The following NDUFA12 variants were observed in gnomAD, a reference collection of about 807,000 sequenced individuals.
The protein encoded by NDUFA12 is NADH dehydrogenase [ubiquinone] 1 alpha subcomplex subunit 12.
Under a neutral mutation model 20.3 loss-of-function variants are expected in NDUFA12, and 17 were observed. That is an observed-to-expected ratio of 0.84 (90% CI 0.57 to 1.26). The LOEUF is 1.26. Ranked by LOEUF, NDUFA12 falls within the 50% of genes most tolerant of loss-of-function variation. The probability of loss-of-function intolerance (pLI) is 0.00; values close to 1 mark genes in which losing one functional copy is unlikely to be tolerated. For missense variants in NDUFA12, 191 were observed against 183.7 expected, an observed-to-expected ratio of 1.04 and a Z score of -0.23; for synonymous variants, 72 against 63.6, an observed-to-expected ratio of 1.13 and a Z score of -0.63.
In NDUFA12 at chr12:94,988,601, C is replaced by T. The variant is rs560507681; in HGVS notation, c.257+5569G>A. On this transcript the variant is annotated intron_variant, in intron 3 of 3. Transcript: ENST00000327772. ...TAACTCCTCCCTTCTCAGGCCCAGTCCCAAGCTTGGGCCAGCAGCGTGGGT... is the reference window on the plus strand; with the variant it reads ...TAACTCCTCCCTTCTCAGGCCCAGTTCCAAGCTTGGGCCAGCAGCGTGGGT... Among the ~76,000 whole-genome samples the T allele has an allele frequency of 1.2e-4, 19 of 152,298 alleles. No individual in the cohort carries two copies. In the South Asian group the frequency reaches 1.4e-3, roughly 12 times the overall value.
At position 94,971,423 on chromosome 12, in the gene NDUFA12, A is replaced by G. The variant is rs1873881740; in HGVS notation, c.*17T>C. On this transcript the variant is annotated 3_prime_UTR_variant, in exon 4 of 4. Transcript: ENST00000327772. ...AAAGCTCCATATTTTGCATGTTTCA[A>G]CTGTTCTTCATTGTCTTTACTTGTA... The G allele has an allele frequency of 1.9e-6, 3 of 1,612,326 alleles. No individual in the cohort carries two copies. The highest frequency in any genetic ancestry group is 2.5e-6 in the Non-Finnish European group (3 of 1,178,330).
chr12:94,984,931 TCGCACCAC>T (rs71075887), intron 3 of NDUFA12, among the ~76,000 whole-genome samples: 130,486 of 150,210 alleles, frequency 0.87, 56,780 homozygotes, highest in Admixed American at 0.9. Context: ...TGAGTCAAGA[TCGCACCAC>T]TGCACTCCAG....
At chr12:94,971,659 C>T in intron 3 of NDUFA12, 39 bp from the exon 4 acceptor site, 1 of 1,609,422 alleles carries the variant, frequency 6.2e-7, no homozygotes, top group South Asian at 1.1e-5. Flanking sequence ...TATGAAGAGG[C>T]AGTACAGCAT....
At chr12:94,994,454 C>T in intron 2 of NDUFA12, 197 bp from the exon 3 acceptor site, 1 of 549,488 alleles carries the variant, frequency 1.8e-6, no homozygotes, top group Non-Finnish European at 3.2e-6. Context: ...TAAGCAGCAA[C>T]CCGCAGCAAG....
At chr12:94,987,511 G>C (rs951667527) in intron 3 of NDUFA12, among the ~76,000 whole-genome samples, 4 of 152,124 alleles carry the variant, frequency 2.6e-5, no homozygotes, top group African/African-American at 7.2e-5. Flanking sequence ...TTGAACAACA[G>C]CAGGCACGGC....
intron 3 of NDUFA12, among the ~76,000 whole-genome samples, chr12:94,974,276 TA>T (rs1317977479): frequency 6.6e-6 from 1 of 151,560 alleles, no homozygotes; most frequent in East Asian, 1.9e-4. Context: ...CAAGGAGCAG[TA>T]AAAAAAACCT....
At chr12:95,000,254 T>C (rs35448769) in intron 2 of NDUFA12, among the ~76,000 whole-genome samples, 12,179 of 152,204 alleles carry the variant, frequency 0.08, 559 homozygotes, top group East Asian at 0.16. Context: ...ATGTTCTCAC[T>C]TACAAGTGGG....
chr12:94,973,812 G>A (rs540090498), intron 3 of NDUFA12, among the ~76,000 whole-genome samples: 61 of 151,996 alleles, frequency 4.0e-4, no homozygotes, highest in Non-Finnish European at 5.6e-4. Context: ...ACCCATTATG[G>A]CAGTTTATAA....
intron 2 of NDUFA12, among the ~76,000 whole-genome samples, chr12:95,001,023 T>G (rs1056811076): frequency 2.0e-5 from 3 of 152,178 alleles, no homozygotes; most frequent in African/African-American, 7.2e-5. Flanking sequence ...CTTTTAAAAT[T>G]TACTAGCACG....
intron 3 of NDUFA12, among the ~76,000 whole-genome samples, chr12:94,972,235 G>GT (rs1171110884): frequency 6.6e-6 from 1 of 152,060 alleles, no homozygotes; most frequent in East Asian, 1.9e-4. Context: ...GCCCATTACT[G>GT]TATCTTATCA....
chr12:94,994,942 G>A (rs1048553723), intron 2 of NDUFA12, among the ~76,000 whole-genome samples: 1 of 152,116 alleles, frequency 6.6e-6, no homozygotes, highest in Non-Finnish European at 1.5e-5. Context: ...ATGAGCCTCA[G>A]TTTCTTTATC....
At position 94,975,705 on chromosome 12, in the gene NDUFA12, T is replaced by C. The variant is rs1334409415; in HGVS notation, c.258-4085A>G. On this transcript the variant is annotated intron_variant, in intron 3 of 3. Coordinates refer to ENST00000327772, the MANE Select transcript of NDUFA12 (RefSeq NM_018838.5). ...AACCAAAAATAAAGGGAATAGCTCA[T>C]GGCATATCCATATGATGGAAGACTA... 2.6e-5 allele frequency among the ~76,000 whole-genome samples: 4 copies of C among 152,192 alleles called. 1 individual carries two copies. Among genetic ancestry groups the C allele is most frequent in the South Asian group, 4.1e-4 (2 of 4,828 alleles).
chr12:94,983,680 A>G (rs961618273), intron 3 of NDUFA12, among the ~76,000 whole-genome samples: 2 of 152,192 alleles, frequency 1.3e-5, no homozygotes, highest in Non-Finnish European at 2.9e-5. Context: ...CACAGTATAG[A>G]CAACTAATAC....
chr12:94,984,714 C>CAAAAA lies in NDUFA12; in HGVS notation c.257+9451_257+9455dup, dbSNP rs1162774247. 4.4e-4 allele frequency among the ~76,000 whole-genome samples: 3 copies of CAAAAA among 6,850 alleles called. 1 individual carries two copies. The highest frequency in any genetic ancestry group is 2.0e-3 in the African/African-American group (3 of 1,500). The allele number at this position is 6,850 out of a possible 152,430, so 4.5% of individuals were successfully genotyped here. A position where few individuals can be genotyped will look rare whatever the true frequency, so the allele number is the denominator to read the frequency against. On this transcript the variant is annotated intron_variant, in intron 3 of 3. Transcript: ENST00000327772. ...AATGACCCCCTCTAATGCTAATAGC[C>CAAAAA]AAAAAAAAAAAACAACAAAAAACCC... is the stretch of plus-strand genomic sequence containing the variant.
chr12:94,994,289 A>C (rs761482386), intron 2 of NDUFA12, 32 bp from the exon 3 acceptor site: 1 of 1,590,964 alleles, frequency 6.3e-7, no homozygotes, highest in Admixed American at 1.7e-5. Flanking sequence ...TAAAAAGAAA[A>C]ACTTTTTTTT....
intron 3 of NDUFA12, among the ~76,000 whole-genome samples, chr12:94,990,499 T>C (rs959027439): frequency 7.9e-5 from 12 of 152,158 alleles, no homozygotes; most frequent in African/African-American, 2.9e-4. Flanking sequence ...CATACCTCCT[T>C]GCAACCTCAA....
Position 94,971,447 on chromosome 12 carries a change from T to G in NDUFA12, c.431A>C (p.Tyr144Ser). 1 of 1,614,108 alleles carries G rather than the reference T, an allele frequency of 6.2e-7. No homozygotes were observed. Among genetic ancestry groups the G allele is most frequent in the Non-Finnish European group, 8.5e-7 (1 of 1,179,926 alleles). Residue 144 changes from tyrosine to serine, a missense_variant, in exon 4 of 4, where the codon TAC (tyrosine) becomes TCC (serine). Physicochemically the swap from Tyr to Ser is moderately radical, Grantham distance 144. Transcript: ENST00000327772. ...IQEWIPPSTPYK is the reference protein window; with the variant it reads ...IQEWIPPSTPSK ...AACTGTTCTTCATTGTCTTTACTTG[T>G]AAGGTGTTGAAGGTGGGATCCACTC...
chr12:95,002,255 T>C lies in NDUFA12; in HGVS notation c.169+484A>G, dbSNP rs1219053005. On this transcript the variant is annotated intron_variant, in intron 2 of 3. Coordinates refer to ENST00000327772, the MANE Select transcript of NDUFA12 (RefSeq NM_018838.5). ...AGGAGTTCAAGACCAGCCTGGCCAATATGGTGAAACCCCATCTCTACTAAA... is the reference window on the plus strand; with the variant it reads ...AGGAGTTCAAGACCAGCCTGGCCAACATGGTGAAACCCCATCTCTACTAAA... 6.0e-5 allele frequency among the ~76,000 whole-genome samples: 9 copies of C among 150,234 alleles called. No homozygotes were observed. In the East Asian group the frequency reaches 1.2e-3, roughly 20 times the overall value.
intron 3 of NDUFA12, 129 bp from the exon 4 acceptor site, chr12:94,971,749 T>C: frequency 1.0e-6 from 1 of 995,798 alleles, no homozygotes; most frequent in South Asian, 1.3e-5. Context: ...AGTTACTAGC[T>C]GAATTCTTCT....
Sources: gnomAD v4.1 joint callset for allele counts (sites outside exome capture counted in the v4.1 genomes callset) on GRCh38, gnomAD v4.1.1 for gene constraint, MANE v1.5 for transcripts, NCBI Gene and HGNC (gene_info 2026-07-23, HGNC 2026-07-21) for gene names.